Variants in ATP7A observed in about 807,000 individuals in gnomAD.
ATP7A encodes the protein ATPase copper transporting alpha.
A neutral mutation model predicts 83.5 loss-of-function variants in ATP7A; 7 were observed. That is an observed-to-expected ratio of 0.08 (90% CI 0.05 to 0.16). The LOEUF is 0.16. Ranked by LOEUF, ATP7A falls within the 10% of genes least tolerant of loss-of-function variation. ATP7A has a pLI of 1.00. For missense variants in ATP7A, 940 were observed against 1,120.8 expected (o/e 0.84, Z 2.30); for synonymous variants, 354 against 395.2 (o/e 0.90, Z 1.24).
intron 16 of ATP7A, among the ~76,000 whole-genome samples, chrX:78,033,018 T>C (rs1439168936): frequency 8.9e-6 from 1 of 112,602 alleles, no homozygotes; most frequent in Non-Finnish European, 1.9e-5. Flanking sequence ...ATTTAATTTG[T>C]AATTATCTAC....
chrX:78,011,902 G>C (rs1352562103), intron 9 of ATP7A: 1 of 383,322 alleles, frequency 2.6e-6, no homozygotes, highest in African/African-American at 2.6e-5. Flanking sequence ...ATTTATATCT[G>C]CTACTGTATA....
At chrX:77,967,452 G>T (rs2077515213) in intron 1 of ATP7A, among the ~76,000 whole-genome samples, 2 of 112,013 alleles carry the variant, frequency 1.8e-5, no homozygotes, top group South Asian at 3.7e-4. Flanking sequence ...ATTCTGACTG[G>T]TGTGAGATGG....
In ATP7A at chrX:78,048,716, A is replaced by G. The variant is rs1484127418; in HGVS notation, c.*2146A>G. On this transcript the variant is annotated 3_prime_UTR_variant, in exon 23 of 23. Coordinates refer to ENST00000341514, the MANE Select transcript of ATP7A (RefSeq NM_000052.7). ...AGGCCCTTTTTTTAGACCAATGCCT[A>G]TGCCATCCTCCATGCTTTCAGTTTG... The G allele has an allele frequency of 8.9e-6, 1 of 111,929 alleles. No individual in the cohort carries two copies. Among genetic ancestry groups the G allele is most frequent in the East Asian group, 2.8e-4 (1 of 3,591 alleles). 9.2% of individuals were successfully genotyped at this position (111,929 alleles called of 1,213,427 possible).
At chrX:78,030,746 C>T (rs1179727406) in intron 15 of ATP7A, among the ~76,000 whole-genome samples, 2 of 100,730 alleles carry the variant, frequency 2.0e-5, no homozygotes, top group African/African-American at 7.4e-5. Context: ...GGCTGGAGTG[C>T]AGTGGTGCGA....
intron 4 of ATP7A, among the ~76,000 whole-genome samples, chrX:77,994,993 T>G (rs782512306): frequency 3.6e-5 from 4 of 111,846 alleles, no homozygotes; most frequent in Non-Finnish European, 5.6e-5. Flanking sequence ...GATGGGTAGG[T>G]AAAAAACCTT....
intron 1 of ATP7A, chrX:77,964,570 TC>T (rs2077493289): frequency 9.1e-6 from 1 of 110,154 alleles, no homozygotes; most frequent in African/African-American, 3.3e-5. Context: ...CCTCGCCTAA[TC>T]CCCACCCCCC....
intron 16 of ATP7A, 147 bp downstream of exon 16, chrX:78,031,729 A>T (rs1275087943): frequency 1.6e-6 from 1 of 629,352 alleles, no homozygotes; most frequent in Non-Finnish European, 2.5e-6. Flanking sequence ...ATTGTATGTA[A>T]CTTATTTCTT....
intron 4 of ATP7A, among the ~76,000 whole-genome samples, chrX:77,997,999 C>T (rs2077715438): frequency 9.1e-6 from 1 of 109,379 alleles, no homozygotes. Context: ...GTAACCCCCC[C>T]GCCCAGCTTT....
Position 78,046,844 on chromosome X carries a change from G to T in ATP7A, c.*274G>T. The T allele has an allele frequency of 3.5e-6, 1 of 283,695 alleles. No individual in the cohort carries two copies. The highest frequency in any genetic ancestry group is 6.1e-6 in the Non-Finnish European group (1 of 163,882). The allele number at this position is 283,695 out of a possible 1,213,427, so 23.4% of individuals were successfully genotyped here. ...AGGTTTACAACAAGCCCTACAATTA[G>T]AGATTGCTGAACTGCTGCTAAAGTG... On this transcript the variant is annotated 3_prime_UTR_variant, in exon 23 of 23. Coordinates refer to ENST00000341514, the MANE Select transcript of ATP7A (RefSeq NM_000052.7).
rs368147403 is a variant in ATP7A at position 77,989,446 on chromosome X, A to G, written c.824A>G (p.Asn275Ser). Residue 275 changes from asparagine (N) to serine (S), a missense_variant, in exon 4 of 23, where the codon AAT becomes AGT. Transcript: ENST00000341514. The part of the protein sequence containing the change: ...GSQQRSPSYT[N>S]DSTATFIIDG... Reference sequence around the variant, plus strand: ...CAGCAAAGGAGTCCATCATATACCAATGATTCAACAGCCACTTTCATCATT... The same window carrying G: ...CAGCAAAGGAGTCCATCATATACCAGTGATTCAACAGCCACTTTCATCATT... 3.6e-5 allele frequency: 44 copies of G among 1,210,063 alleles called. No homozygotes were observed. The highest frequency in any genetic ancestry group is 7.0e-5 in the African/African-American group (4 of 57,222).
intron 1 of ATP7A, among the ~76,000 whole-genome samples, chrX:77,966,198 A>G (rs782747803): frequency 4.9e-4 from 55 of 112,527 alleles, no homozygotes; most frequent in African/African-American, 1.5e-3. Flanking sequence ...GGAAAACAGG[A>G]CATCCACATG....
chrX:77,962,668 G>T, intron 1 of ATP7A: 1 of 380,869 alleles, frequency 2.6e-6, no homozygotes. Flanking sequence ...AGTTTAGGCC[G>T]GCCCGTTTTG....
intron 13 of ATP7A, 118 bp downstream of exon 13, chrX:78,020,516 G>A (rs1037770169): frequency 1.0e-5 from 9 of 892,901 alleles, no homozygotes; most frequent in South Asian, 8.9e-5. Context: ...TATGGAGTTC[G>A]TTTGTTTTTG....
intron 13 of ATP7A, 84 bp from the exon 14 acceptor site, chrX:78,020,861 C>T: frequency 5.0e-6 from 5 of 1,005,083 alleles, no homozygotes; most frequent in Non-Finnish European, 7.0e-6. Context: ...TTTGTGCTAA[C>T]TACTAAATAT....
At chrX:78,013,735 TAGA>T (rs782233829) in intron 10 of ATP7A, among the ~76,000 whole-genome samples, 2 of 111,922 alleles carry the variant, frequency 1.8e-5, no homozygotes, top group Non-Finnish European at 3.8e-5. Context: ...GCTAATATCT[TAGA>T]AGACATTACA....
At chrX:77,990,352 A>G (rs1471290206) in intron 4 of ATP7A, among the ~76,000 whole-genome samples, 2 of 112,288 alleles carry the variant, frequency 1.8e-5, no homozygotes, top group African/African-American at 6.5e-5. Context: ...TACGCCATGT[A>G]TATATTGTTT....
intron 1 of ATP7A, among the ~76,000 whole-genome samples, chrX:77,937,912 T>TACAC (rs782577981): frequency 3.2e-5 from 3 of 95,232 alleles, no homozygotes; most frequent in African/African-American, 1.2e-4. Flanking sequence ...CACACACACA[T>TACAC]ACACACACAC....
At chrX:77,917,513 A>T (rs2077191235) in intron 1 of ATP7A, among the ~76,000 whole-genome samples, 1 of 111,900 alleles carries the variant, frequency 8.9e-6, no homozygotes, top group Non-Finnish European at 1.9e-5. Context: ...TAAGCAATGT[A>T]CACATGAAGT....
At chrX:77,995,491 G>A (rs920976855) in intron 4 of ATP7A, among the ~76,000 whole-genome samples, 1 of 102,114 alleles carries the variant, frequency 9.8e-6, no homozygotes, top group East Asian at 3.2e-4. Context: ...ACGCTTGAAC[G>A]TGGGAGGCGA....
Sources: allele counts gnomAD v4.1 joint callset (sites outside exome capture counted in the v4.1 genomes callset), GRCh38; gene constraint gnomAD v4.1.1; transcripts MANE v1.5; gene names NCBI Gene and HGNC (gene_info 2026-07-23, HGNC 2026-07-21).